EBF1: variants seen among roughly 807,000 people sequenced by gnomAD.
The protein encoded by EBF1 is transcription factor COE1.
A neutral mutation model predicts 68.4 loss-of-function variants in EBF1; 10 were observed. The observed-to-expected ratio is 0.15, with a 90% CI of 0.09 to 0.25. The LOEUF (loss-of-function observed/expected upper bound fraction) is 0.25. EBF1 is among the 10% of genes least tolerant of loss of function. EBF1 has a pLI of 1.00. For synonymous variants in EBF1, 298 were observed against 299.8 expected, an observed-to-expected ratio of 0.99 and a Z score of 0.06; for missense variants, 509 against 794.4, an observed-to-expected ratio of 0.64 and a Z score of 4.32.
At chr5:158,856,964 A>T (rs901227755) in intron 6 of EBF1, among the ~76,000 whole-genome samples, 1 of 151,646 alleles carries the variant, frequency 6.6e-6, no homozygotes, top group Non-Finnish European at 1.5e-5. Context: ...ATGCCTATCT[A>T]TTTTTTAAAA....
At chr5:158,795,679 G>A (rs1053289299) in intron 9 of EBF1, among the ~76,000 whole-genome samples, 4 of 152,210 alleles carry the variant, frequency 2.6e-5, no homozygotes, top group African/African-American at 4.8e-5. Flanking sequence ...ATCTTGAGCT[G>A]ATGCTGATGG....
chr5:159,022,625 G>C (rs909537713), intron 6 of EBF1, among the ~76,000 whole-genome samples: 2 of 152,228 alleles, frequency 1.3e-5, no homozygotes, highest in Non-Finnish European at 2.9e-5. Context: ...AAGGAATTAG[G>C]GGACAGGCAA....
intron 6 of EBF1, among the ~76,000 whole-genome samples, chr5:159,046,870 C>T (rs182973032): frequency 4.9e-4 from 75 of 152,320 alleles, no homozygotes; most frequent in African/African-American, 1.8e-3. Context: ...CTTCAAGCTA[C>T]CAATGTGATA....
chr5:158,743,027 G>A (rs1766760807), intron 10 of EBF1, among the ~76,000 whole-genome samples: 1 of 152,166 alleles, frequency 6.6e-6, no homozygotes, highest in African/African-American at 2.4e-5. Context: ...GTCCCCAGCT[G>A]GAAATGATTG....
chr5:158,907,195 T>C lies in EBF1; in HGVS notation c.555-67085A>G, dbSNP rs530510444. 1.8e-3 allele frequency among the ~76,000 whole-genome samples: 277 copies of C among 152,292 alleles called. 3 individuals are homozygous for C. Among genetic ancestry groups the C allele is most frequent in the African/African-American group, 6.5e-3 (269 of 41,560 alleles). Reference sequence around the variant, plus strand: ...TGCCTTCACGCAGCAGTCACTCTAATGGGGACCCAGACAGAAAAACAGTGG... The same window carrying C: ...TGCCTTCACGCAGCAGTCACTCTAACGGGGACCCAGACAGAAAAACAGTGG... On this transcript the variant is annotated intron_variant, in intron 6 of 15. Coordinates refer to ENST00000313708, the MANE Select transcript of EBF1 (RefSeq NM_024007.5).
intron 14 of EBF1, among the ~76,000 whole-genome samples, chr5:158,709,327 AT>A (rs113894439): frequency 0.1 from 15,451 of 147,502 alleles, 2,258 homozygotes; most frequent in African/African-American, 0.33. Context: ...TATCACATAT[AT>A]TTTTTTTTTT....
chr5:158,712,051 G>A, intron 14 of EBF1, 103 bp downstream of exon 14: 4 of 1,380,038 alleles, frequency 2.9e-6, no homozygotes, highest in Non-Finnish European at 3.0e-6. Flanking sequence ...AGGGAAAGAT[G>A]GGGGGCCTCA....
chr5:158,777,436 G>A lies in EBF1; in HGVS notation c.1013C>T (p.Thr338Ile). 5.0e-6 allele frequency: 8 copies of A among 1,612,118 alleles called. No individual in the cohort carries two copies. Among genetic ancestry groups the A allele is most frequent in the Non-Finnish European group, 6.8e-6 (8 of 1,178,866 alleles). The change falls in exon 10 of 16, where the codon ACA (threonine) becomes ATA (isoleucine). Residue 338 changes from threonine (T) to isoleucine (I), a missense_variant. Physicochemically the swap from Thr to Ile is moderately conservative, Grantham distance 89. Coordinates refer to ENST00000313708, the MANE Select transcript of EBF1 (RefSeq NM_024007.5). The stretch of plus-strand genomic sequence containing the variant: ...ACCTGTATAAATGAATCTGCCTGGT[G>A]TTCCTTTGCAGAACTGCTTAGATTT... ...SYKSKQFCKGTPGRFIYTALN... is the reference protein window; with the variant it reads ...SYKSKQFCKGIPGRFIYTALN...
intron 6 of EBF1, among the ~76,000 whole-genome samples, chr5:159,063,538 A>G (rs1259929034): frequency 6.6e-6 from 1 of 152,210 alleles, no homozygotes; most frequent in Non-Finnish European, 1.5e-5. Context: ...GGCAGAGATC[A>G]ACCCTGAGAC....
At chr5:158,887,002 C>CA (rs202161227) in intron 6 of EBF1, among the ~76,000 whole-genome samples, 38 of 150,230 alleles carry the variant, frequency 2.5e-4, no homozygotes, top group African/African-American at 5.4e-4. Context: ...AACTCCATCT[C>CA]AAAAAAAAAG....
intron 6 of EBF1, among the ~76,000 whole-genome samples, chr5:158,892,461 C>G (rs1801369029): frequency 6.6e-6 from 1 of 152,092 alleles, no homozygotes; most frequent in Admixed American, 6.5e-5. Context: ...TGCATTCCAT[C>G]CTGGATGACG....
chr5:158,809,567 A>C (rs903776828), intron 8 of EBF1, among the ~76,000 whole-genome samples: 1 of 152,182 alleles, frequency 6.6e-6, no homozygotes, highest in Non-Finnish European at 1.5e-5. Context: ...TTTTCCCCCT[A>C]AGACTCAGAC....
At chr5:158,917,633 T>G (rs932435215) in intron 6 of EBF1, among the ~76,000 whole-genome samples, 1 of 152,230 alleles carries the variant, frequency 6.6e-6, no homozygotes, top group African/African-American at 2.4e-5. Flanking sequence ...GAGCATTGCT[T>G]AGCTCAAAAC....
At chr5:158,916,536 G>A (rs929470573) in intron 6 of EBF1, among the ~76,000 whole-genome samples, 7 of 152,162 alleles carry the variant, frequency 4.6e-5, no homozygotes, top group Non-Finnish European at 8.8e-5. Flanking sequence ...GGCCCTGGAA[G>A]TATATATTAG....
intron 10 of EBF1, among the ~76,000 whole-genome samples, chr5:158,752,955 G>T (rs959085114): frequency 6.6e-6 from 1 of 151,912 alleles, no homozygotes; most frequent in African/African-American, 2.4e-5. Context: ...CACACAATTT[G>T]GTTTTAACAA....
chr5:158,728,622 A>G (rs929024348), intron 11 of EBF1, among the ~76,000 whole-genome samples: 1 of 152,036 alleles, frequency 6.6e-6, no homozygotes, highest in Non-Finnish European at 1.5e-5. Context: ...CTGGAGTGCA[A>G]TGGTAGGTAT....
intron 10 of EBF1, among the ~76,000 whole-genome samples, chr5:158,752,797 GT>G (rs1561828366): frequency 3.9e-5 from 6 of 151,920 alleles, no homozygotes; most frequent in Admixed American, 1.3e-4. Context: ...TAAGTTATCC[GT>G]GTCACATTTT....
chr5:158,991,584 GT>G (rs1199987974), intron 6 of EBF1, among the ~76,000 whole-genome samples: 1 of 152,190 alleles, frequency 6.6e-6, no homozygotes, highest in East Asian at 1.9e-4. Flanking sequence ...AGCCTGAGAT[GT>G]TAACATTGCC....
intron 6 of EBF1, among the ~76,000 whole-genome samples, chr5:159,066,465 A>G (rs1246078642): frequency 6.6e-6 from 1 of 152,204 alleles, no homozygotes; most frequent in Non-Finnish European, 1.5e-5. Context: ...AAAGTGGAGT[A>G]CACATTTCAT....
Sources: allele counts gnomAD v4.1 joint callset (sites outside exome capture counted in the v4.1 genomes callset), GRCh38; gene constraint gnomAD v4.1.1; transcripts MANE v1.5; gene names NCBI Gene and HGNC (gene_info 2026-07-23, HGNC 2026-07-21).